Variants in MVB12B observed in about 807,000 individuals in gnomAD.
MVB12B encodes the protein ESCRT-I complex subunit MVB12B.
In MVB12B, 16 loss-of-function variants were observed where a neutral mutation model predicts 41.6. That is an observed-to-expected ratio of 0.38 (90% CI 0.26 to 0.58). The LOEUF is 0.58. MVB12B is among the 20% of genes least tolerant of loss of function. MVB12B has a pLI of 0.62. For synonymous variants in MVB12B, 133 were observed against 139.7 expected, an observed-to-expected ratio of 0.95 and a Z score of 0.34; for missense variants, 274 against 380.2, an observed-to-expected ratio of 0.72 and a Z score of 2.32.
chr9:126,496,285 CCACCCATCCATA>C (rs1833833116), intron 9 of MVB12B, among the ~76,000 whole-genome samples: 1 of 123,028 alleles, frequency 8.1e-6, no homozygotes, highest in African/African-American at 3.1e-5. Flanking sequence ...ACCCACCCTT[CCACCCATCCATA>C]CACCTACCCA....
At chr9:126,479,589 G>A (rs1215725104) in intron 7 of MVB12B, among the ~76,000 whole-genome samples, 1 of 152,238 alleles carries the variant, frequency 6.6e-6, no homozygotes, top group Non-Finnish European at 1.5e-5. Context: ...TTCTGGGGAA[G>A]TGTTGCCTGT....
chr9:126,478,245 C>T lies in MVB12B; in HGVS notation c.758-3124C>T, dbSNP rs1833455846. ...CCAGGCTTCTTCCATCCATGGCTTT[C>T]ATCTCCAGCAGCAGCAGGCGGGGGT... On this transcript the variant is annotated intron_variant, in intron 7 of 9. Transcript: ENST00000361171. The surrounding 1 kb of genome is among the most constrained non-coding windows in gnomAD (Gnocchi z 4.2). Among the ~76,000 whole-genome samples the T allele has an allele frequency of 6.6e-6, 1 of 152,228 alleles. No individual in the cohort carries two copies.
In MVB12B at chr9:126,504,369, C is replaced by A; in HGVS notation, c.*1106C>A. The A allele has an allele frequency of 6.6e-6, 1 of 152,414 alleles. No individual in the cohort carries two copies. Among genetic ancestry groups the A allele is most frequent in the Non-Finnish European group, 1.5e-5 (1 of 68,072 alleles). 9.4% of individuals were successfully genotyped at this position (152,414 alleles called of 1,614,324 possible). On this transcript the variant is annotated 3_prime_UTR_variant, in exon 10 of 10. Coordinates refer to ENST00000361171, the MANE Select transcript of MVB12B (RefSeq NM_033446.3). ...CCCAGGCCCTCACCCGAAGGGCTGC[C>A]TCACTCTGTGGTGTCAGGCACTGGG...
At chr9:126,419,143 G>A (rs547469820) in intron 6 of MVB12B, among the ~76,000 whole-genome samples, 2 of 152,252 alleles carry the variant, frequency 1.3e-5, no homozygotes, top group South Asian at 4.1e-4. Flanking sequence ...AATGCTTCTA[G>A]CTCCTGGAGT....
chr9:126,432,405 G>A (rs1369747737), intron 7 of MVB12B, among the ~76,000 whole-genome samples: 2 of 152,180 alleles, frequency 1.3e-5, no homozygotes, highest in East Asian at 3.8e-4. Context: ...TTAGCCTTTT[G>A]TTTCTTTCTC....
At chr9:126,399,179 G>T (rs943233558) in intron 6 of MVB12B, among the ~76,000 whole-genome samples, 4 of 152,214 alleles carry the variant, frequency 2.6e-5, no homozygotes, top group African/African-American at 9.7e-5. Context: ...GTAGAAGGTA[G>T]CTTGGCAGAG....
At chr9:126,483,039 C>A (rs568270947) in intron 8 of MVB12B, among the ~76,000 whole-genome samples, 1 of 152,358 alleles carries the variant, frequency 6.6e-6, no homozygotes, top group Non-Finnish European at 1.5e-5. Flanking sequence ...GCTGGCTTCG[C>A]GGAGGCTCCA....
intron 7 of MVB12B, among the ~76,000 whole-genome samples, chr9:126,422,928 G>A (rs1270808562): frequency 6.6e-6 from 1 of 152,134 alleles, no homozygotes; most frequent in Non-Finnish European, 1.5e-5. Context: ...GAGAAGGGGA[G>A]GAACAGGGAT....
At chr9:126,432,494 A>C (rs758970) in intron 7 of MVB12B, among the ~76,000 whole-genome samples, 6 of 152,130 alleles carry the variant, frequency 3.9e-5, no homozygotes. Flanking sequence ...ATTGAAACAC[A>C]TTTAGTTGTT....
At chr9:126,364,319 T>C (rs1830104771) in intron 2 of MVB12B, among the ~76,000 whole-genome samples, 1 of 152,176 alleles carries the variant, frequency 6.6e-6, no homozygotes, top group Non-Finnish European at 1.5e-5. Context: ...GAGTTCAACT[T>C]GTCTTCTCTT....
At chr9:126,335,079 G>A (rs1467431631) in intron 1 of MVB12B, 3 of 292,400 alleles carry the variant, frequency 1.0e-5, no homozygotes, top group Non-Finnish European at 1.3e-5. Flanking sequence ...GCTCACAATT[G>A]TTAGTTCCCG....
chr9:126,505,609 C>T lies in MVB12B; in HGVS notation c.*2346C>T, dbSNP rs1482134344. On this transcript the variant is annotated 3_prime_UTR_variant, in exon 10 of 10. Transcript: ENST00000361171. ...GGTAGCTTTTAGGCTGCTCCTAACC[C>T]ACCATTTATTGCCTTCTGAGAGGTG... 6.6e-6 allele frequency: 1 copy of T among 152,178 alleles called. No individual in the cohort carries two copies. The highest frequency in any genetic ancestry group is 1.5e-5 in the Non-Finnish European group (1 of 68,028). 9.4% of individuals were successfully genotyped at this position (152,178 alleles called of 1,614,324 possible).
At chr9:126,467,369 G>A (rs1833221723) in intron 7 of MVB12B, among the ~76,000 whole-genome samples, 1 of 152,212 alleles carries the variant, frequency 6.6e-6, no homozygotes, top group Admixed American at 6.5e-5. Flanking sequence ...GAGGCCCACG[G>A]TGCTGGTGTG....
chr9:126,431,310 G>T (rs10987275), intron 7 of MVB12B, among the ~76,000 whole-genome samples: 4 of 152,158 alleles, frequency 2.6e-5, no homozygotes, highest in Non-Finnish European at 5.9e-5. Flanking sequence ...AGCAGCCCAC[G>T]ATCCCTTTCT....
intron 2 of MVB12B, among the ~76,000 whole-genome samples, chr9:126,358,100 G>A (rs986631929): frequency 1.3e-5 from 2 of 151,858 alleles, no homozygotes; most frequent in African/African-American, 4.8e-5. Context: ...AATTACTTTG[G>A]CACTTATGTC....
intron 6 of MVB12B, among the ~76,000 whole-genome samples, chr9:126,399,610 C>T (rs544976592): frequency 5.9e-5 from 9 of 152,296 alleles, no homozygotes; most frequent in African/African-American, 9.6e-5. Context: ...GAAGAGGTTC[C>T]GCTGCTGCTG....
intron 7 of MVB12B, among the ~76,000 whole-genome samples, chr9:126,479,336 G>A (rs539069029): frequency 6.6e-6 from 1 of 152,156 alleles, no homozygotes; most frequent in African/African-American, 2.4e-5. Flanking sequence ...AGATGGTGGT[G>A]GGAGCTGGCA....
At position 126,333,633 on chromosome 9, in the gene MVB12B, A is replaced by T. The variant is rs1313866834; in HGVS notation, c.81+6623A>T. ...TGGCCAGGCTGGTCTCAAACTCCTG[A>T]CCTCAAGTGATCTGCCCACCTTGGC... is the stretch of plus-strand genomic sequence containing the variant. On this transcript the variant is annotated intron_variant, in intron 1 of 9. Coordinates refer to ENST00000361171, the MANE Select transcript of MVB12B (RefSeq NM_033446.3). This position sits in a 1 kb window ranked among gnomAD's most constrained non-coding sequence, Gnocchi z 4.7. Among the ~76,000 whole-genome samples, 1 of 151,778 alleles carries T rather than the reference A, an allele frequency of 6.6e-6. No individual in the cohort carries two copies. Among genetic ancestry groups the T allele is most frequent in the African/African-American group, 2.4e-5 (1 of 41,294 alleles).
chr9:126,437,045 G>A (rs1483594237), intron 7 of MVB12B, among the ~76,000 whole-genome samples: 1 of 152,162 alleles, frequency 6.6e-6, no homozygotes, highest in East Asian at 1.9e-4. Context: ...GGTGCTTGCA[G>A]AAGTACAAAA....
Sources: gnomAD v4.1 joint callset for allele counts (sites outside exome capture counted in the v4.1 genomes callset) on GRCh38, gnomAD v4.1.1 for gene constraint, Gnocchi (gnomAD v3.1) non-coding constraint, MANE v1.5 for transcripts, NCBI Gene and HGNC (gene_info 2026-07-23, HGNC 2026-07-21) for gene names.